EXPH5: variants seen among roughly 807,000 people sequenced by gnomAD.
The protein encoded by EXPH5 is exophilin-5.
A neutral mutation model predicts 41.1 loss-of-function variants in EXPH5; 42 were observed. That is an observed-to-expected ratio of 1.02 (90% CI 0.80 to 1.32). The LOEUF is 1.32. Ranked by LOEUF, EXPH5 falls within the 40% of genes most tolerant of loss-of-function variation. The pLI, the probability that EXPH5 is intolerant of heterozygous loss-of-function variation, is 0.00. For synonymous variants in EXPH5, 798 were observed against 833.5 expected (o/e 0.96, Z 0.73); for missense variants, 2,298 against 2,314.5 (o/e 0.99, Z 0.15).
intron 3 of EXPH5, among the ~76,000 whole-genome samples, chr11:108,532,531 A>G (rs1490236622): frequency 1.3e-5 from 2 of 150,706 alleles, no homozygotes; most frequent in Admixed American, 1.3e-4. Context: ...TTTTACTTGT[A>G]ACCCAATGAC....
chr11:108,571,286 C>A (rs975803435), intron 1 of EXPH5, among the ~76,000 whole-genome samples: 1 of 152,202 alleles, frequency 6.6e-6, no homozygotes, highest in Non-Finnish European at 1.5e-5. Context: ...CAGTTACCTA[C>A]TGTGGAGCCA....
intron 1 of EXPH5, among the ~76,000 whole-genome samples, chr11:108,569,432 T>C (rs1468567367): frequency 2.0e-5 from 3 of 150,346 alleles, no homozygotes; most frequent in Non-Finnish European, 2.9e-5. Flanking sequence ...CTCCGCCTCC[T>C]AGGTTCAAGC....
intron 1 of EXPH5, among the ~76,000 whole-genome samples, chr11:108,576,585 TG>T (rs2094080404): frequency 6.6e-6 from 1 of 152,222 alleles, no homozygotes; most frequent in South Asian, 2.1e-4. Context: ...CATTCTTTTT[TG>T]AATTTGCTTC....
intron 5 of EXPH5, among the ~76,000 whole-genome samples, chr11:108,516,068 T>C (rs989341618): frequency 1.4e-4 from 16 of 117,924 alleles, no homozygotes; most frequent in African/African-American, 4.3e-4. Flanking sequence ...CGAGACTCCG[T>C]CTCAAAAAAA....
chr11:108,511,123 AC>A lies in EXPH5; in HGVS notation c.4383del (p.Lys1461AsnfsTer12), dbSNP rs1329017219. The A allele has an allele frequency of 6.2e-7, 1 of 1,613,802 alleles. No individual in the cohort carries two copies. The highest frequency in any genetic ancestry group is 1.3e-5 in the African/African-American group (1 of 74,922). On this transcript the variant is annotated frameshift_variant, in exon 6 of 6. Transcript: ENST00000265843. LOFTEE classifies it low-confidence loss of function (END_TRUNC). ...GTGGATGTGTGATCTTTCTGGGGAC[AC>A]TTGCCACTTCCAGTAAATGGAATGG... ...GRAIPFTGSG[K>X]CPQKDHTSTA...
chr11:108,577,403 T>A (rs2094083350), intron 1 of EXPH5, among the ~76,000 whole-genome samples: 1 of 152,000 alleles, frequency 6.6e-6, no homozygotes, highest in Non-Finnish European at 1.5e-5. Flanking sequence ...CATTTTATTT[T>A]ATTTTATTTT....
chr11:108,566,873 G>C (rs189315500), intron 1 of EXPH5, among the ~76,000 whole-genome samples: 24 of 152,066 alleles, frequency 1.6e-4, no homozygotes, highest in African/African-American at 4.3e-4. Context: ...TCTTTTGCCG[G>C]TCACTCAACA....
chr11:108,509,182 C>T lies in EXPH5; in HGVS notation c.*355G>A, dbSNP rs1281136387. 5.7e-6 allele frequency: 1 copy of T among 176,454 alleles called. No homozygotes were observed. Among genetic ancestry groups the T allele is most frequent in the Admixed American group, 5.7e-5 (1 of 17,680 alleles). The allele number at this position is 176,454 out of a possible 1,614,324, so 10.9% of individuals were successfully genotyped here. A position where few individuals can be genotyped will look rare whatever the true frequency, so the allele number is the denominator to read the frequency against. On this transcript the variant is annotated 3_prime_UTR_variant, in exon 6 of 6. Coordinates refer to ENST00000265843, the MANE Select transcript of EXPH5 (RefSeq NM_015065.3). ...GGTAATTCATAAGTTTTGTATGTGC[C>T]TGGGATATTAGGGTTGTAAATCACA...
chr11:108,509,752 G>C lies in EXPH5; in HGVS notation c.5755C>G (p.Pro1919Ala), dbSNP rs143966477. 4.9e-5 allele frequency: 79 copies of C among 1,606,840 alleles called. No homozygotes were observed. The highest frequency in any genetic ancestry group is 2.0e-4 in the African/African-American group (15 of 74,324). ...CTCAAATCATCTTTTAGGAAGCCAG[G>C]GTTCTTAAGAAAACTTGGTTTCCAT... is the stretch of plus-strand genomic sequence containing the variant. ...RLWKPSFLKN[P>A]GFLKDDLRNP... The change falls in exon 6 of 6, where the codon CCT becomes GCT. Residue 1919 changes from proline to alanine, a missense_variant. Coordinates refer to ENST00000265843, the MANE Select transcript of EXPH5 (RefSeq NM_015065.3).
chr11:108,511,025 T>G lies in EXPH5; in HGVS notation c.4482A>C (p.Lys1494Asn), dbSNP rs906546463. 2.0e-5 allele frequency: 33 copies of G among 1,614,166 alleles called. No individual in the cohort carries two copies. Among genetic ancestry groups the G allele is most frequent in the Non-Finnish European group, 2.8e-5 (33 of 1,180,030 alleles). Residue 1494 changes from lysine (K) to asparagine (N), a missense_variant, in exon 6 of 6, where the codon AAA becomes AAC. Transcript: ENST00000265843. The stretch of plus-strand genomic sequence containing the variant: ...AGTGAGAAAGTGTTTTATTAGTCAT[T>G]TTTTGGCAGTTGGTTCCAATGTCCC... ...GRGDIGTNCQ[K>N]MTNKTLSHSE...
intron 1 of EXPH5, among the ~76,000 whole-genome samples, chr11:108,591,929 T>C (rs2094128446): frequency 6.6e-6 from 1 of 152,344 alleles, no homozygotes; most frequent in East Asian, 1.9e-4. Context: ...ATGGATCACT[T>C]AAGAAGCCCC....
At chr11:108,528,695 C>CTTTTTTTT (rs58500316) in intron 3 of EXPH5, among the ~76,000 whole-genome samples, 15 of 106,306 alleles carry the variant, frequency 1.4e-4, no homozygotes, top group African/African-American at 1.9e-4. Flanking sequence ...TTTTCTTTCC[C>CTTTTTTTT]TTTTTTTTTT....
intron 1 of EXPH5, among the ~76,000 whole-genome samples, chr11:108,586,058 C>A (rs1001908129): frequency 6.6e-6 from 1 of 152,232 alleles, no homozygotes; most frequent in Non-Finnish European, 1.5e-5. Context: ...CCTGCTTCAG[C>A]TTCCTGAGTA....
At chr11:108,604,630 G>C in the EXPH5 span, among the ~76,000 whole-genome samples, 1 of 152,096 alleles carries the variant, frequency 6.6e-6, no homozygotes, top group Admixed American at 6.6e-5. Flanking sequence ...GACAGGATGG[G>C]AAGTCAATGG....
At chr11:108,599,367 G>A in the EXPH5 span, among the ~76,000 whole-genome samples, 47 of 152,182 alleles carry the variant, frequency 3.1e-4, no homozygotes, top group Middle Eastern at 3.4e-3. Context: ...TCTCATGTAT[G>A]CATGTGTATA....
chr11:108,577,520 T>C (rs749028412), intron 1 of EXPH5, among the ~76,000 whole-genome samples: 2 of 151,934 alleles, frequency 1.3e-5, no homozygotes, highest in Non-Finnish European at 2.9e-5. Context: ...GCCTCCCAGG[T>C]TCAAGTGATT....
chr11:108,542,022 C>T (rs992463005), intron 1 of EXPH5, among the ~76,000 whole-genome samples: 10 of 151,940 alleles, frequency 6.6e-5, no homozygotes, highest in Admixed American at 6.6e-5. Flanking sequence ...AGACCACAGA[C>T]GCATACCACC....
At chr11:108,599,209 A>G in the EXPH5 span, among the ~76,000 whole-genome samples, 2 of 152,180 alleles carry the variant, frequency 1.3e-5, no homozygotes, top group Non-Finnish European at 2.9e-5. Flanking sequence ...CTCACCTCAC[A>G]TCGTATATGA....
intron 3 of EXPH5, among the ~76,000 whole-genome samples, chr11:108,535,099 T>C (rs1185507904): frequency 6.6e-6 from 1 of 152,108 alleles, no homozygotes; most frequent in African/African-American, 2.4e-5. Flanking sequence ...ATGCCAAAAA[T>C]TCTGACAGCC....
Sources: gnomAD v4.1 joint callset for allele counts (sites outside exome capture counted in the v4.1 genomes callset) on GRCh38, gnomAD v4.1.1 for gene constraint, MANE v1.5 for transcripts, NCBI Gene and HGNC (gene_info 2026-07-23, HGNC 2026-07-21) for gene names.